The following PCDHA3 variants were observed in gnomAD, a reference collection of about 807,000 sequenced individuals.
PCDHA3 encodes protocadherin alpha 3.
PCDHA3 carries 41 observed loss-of-function variants against 62.2 expected under a neutral mutation model. The ratio of observed to expected loss-of-function variants is 0.66; its 90% confidence interval spans 0.51 to 0.86. The LOEUF is 0.86. Among genes scored for constraint, PCDHA3 ranks in the 40% least tolerant of loss-of-function variants. The pLI, the probability that PCDHA3 is intolerant of heterozygous loss-of-function variation, is 0.00. For missense variants in PCDHA3, 1,304 were observed against 1,241.2 expected (o/e 1.05, Z -0.76); for synonymous variants, 640 against 555.4 (o/e 1.15, Z -2.14).
chr5:140,803,257 CG>C lies in PCDHA3; in HGVS notation c.2063del (p.Gly688AlafsTer13). The stretch of plus-strand genomic sequence containing the variant: ...TCGTCCCAGGCGTCCGCTGGCGCCA[CG>C]GGCCCGGAAGCTGCACTGGTGGATG... Reference protein sequence around the residue: ...KASSQASAGATGPEAALVDVN... With the variant: ...KASSQASAGAXGPEAALVDVN... On this transcript the variant is annotated frameshift_variant, in exon 1 of 4. Coordinates refer to ENST00000522353, the MANE Select transcript of PCDHA3 (RefSeq NM_018906.3). LOFTEE classifies it high-confidence loss of function. The C allele has an allele frequency of 6.2e-7, 1 of 1,613,906 alleles. No homozygotes were observed. Among genetic ancestry groups the C allele is most frequent in the Non-Finnish European group, 8.5e-7 (1 of 1,179,956 alleles).
chr5:140,871,132 G>T, intron 1 of PCDHA3: 7 of 1,613,372 alleles, frequency 4.3e-6, no homozygotes, highest in Non-Finnish European at 5.9e-6. Context: ...GGCGCCAAAG[G>T]CCTCTTCCCG....
intron 1 of PCDHA3, chr5:140,822,576 T>C (rs1047981826): frequency 1.2e-6 from 2 of 1,612,800 alleles, no homozygotes; most frequent in Non-Finnish European, 1.7e-6. Flanking sequence ...ACGCCTCAGA[T>C]GCAGATGAGG....
chr5:140,988,871 A>T (rs1319139244), intron 3 of PCDHA3: 1 of 152,208 alleles, frequency 6.6e-6, no homozygotes, highest in Non-Finnish European at 1.5e-5. Context: ...GTGCACTCAG[A>T]TGTACGATCC....
At chr5:140,926,564 A>T in intron 1 of PCDHA3, 1 of 243,746 alleles carries the variant, frequency 4.1e-6, no homozygotes, top group Non-Finnish European at 7.8e-6. Flanking sequence ...GCCCGCTGCT[A>T]CTGGAGACAG....
intron 1 of PCDHA3, chr5:140,926,922 T>A: frequency 6.4e-7 from 1 of 1,570,576 alleles, no homozygotes; most frequent in Non-Finnish European, 8.7e-7. Flanking sequence ...CAGTTTTATG[T>A]TTGTGGGTTT....
intron 3 of PCDHA3, among the ~76,000 whole-genome samples, chr5:140,999,702 T>A (rs78322991): frequency 6.6e-6 from 1 of 152,136 alleles, no homozygotes; most frequent in South Asian, 2.1e-4. Context: ...GATTTTTTTT[T>A]AGCTAACTAC....
chr5:140,967,837 C>T (rs2096189054), intron 1 of PCDHA3: 4 of 1,613,994 alleles, frequency 2.5e-6, no homozygotes, highest in African/African-American at 2.7e-5. Context: ...ACATCGTGGA[C>T]GTGAATGACA....
chr5:140,873,275 T>C (rs1335407966), intron 1 of PCDHA3, among the ~76,000 whole-genome samples: 1 of 152,220 alleles, frequency 6.6e-6, no homozygotes, highest in Non-Finnish European at 1.5e-5. Context: ...TAAACCATCA[T>C]ACCACTTATG....
At chr5:140,917,305 C>A (rs1554197951) in intron 1 of PCDHA3, among the ~76,000 whole-genome samples, 1 of 137,092 alleles carries the variant, frequency 7.3e-6, no homozygotes, top group Non-Finnish European at 1.5e-5. Flanking sequence ...ATAGTTGTTA[C>A]AATTTGGTGT....
chr5:140,867,133 A>T (rs1554160961), intron 1 of PCDHA3: 1 of 152,166 alleles, frequency 6.6e-6, no homozygotes, highest in African/African-American at 2.4e-5. Flanking sequence ...CAAATATGTG[A>T]TATTATCATT....
intron 1 of PCDHA3, chr5:140,841,301 G>A (rs2150312964): frequency 2.0e-6 from 3 of 1,536,446 alleles, no homozygotes; most frequent in Admixed American, 3.9e-5. Flanking sequence ...AATATTTTCT[G>A]ATAGGAAACG....
At chr5:140,842,696 G>C in intron 1 of PCDHA3, 1 of 1,595,300 alleles carries the variant, frequency 6.3e-7, no homozygotes, top group Non-Finnish European at 8.6e-7. Context: ...CGCGCAGCCC[G>C]AGTACACGGT....
intron 1 of PCDHA3, among the ~76,000 whole-genome samples, chr5:140,946,631 T>TATATATATACAC (rs57893927): frequency 0.012 from 1,602 of 131,782 alleles, 27 homozygotes; most frequent in South Asian, 0.028. Flanking sequence ...TATATATATA[T>TATATATATACAC]ACAATGGAAT....
intron 1 of PCDHA3, among the ~76,000 whole-genome samples, chr5:140,939,692 A>T (rs2092437980): frequency 6.6e-6 from 1 of 152,222 alleles, no homozygotes; most frequent in African/African-American, 2.4e-5. Context: ...GTGTTGCTGG[A>T]CATTATCATT....
intron 1 of PCDHA3, chr5:140,816,269 C>T: frequency 6.6e-6 from 1 of 152,132 alleles, no homozygotes; most frequent in East Asian, 1.9e-4. Context: ...ACTCATTCTT[C>T]TACTTGATTA....
intron 1 of PCDHA3, among the ~76,000 whole-genome samples, chr5:140,941,198 T>TCTTCCTTTCTTC (rs1563184149): frequency 4.2e-5 from 5 of 119,808 alleles, no homozygotes; most frequent in African/African-American, 1.0e-4. Context: ...TTTTTTTCTT[T>TCTTCCTTTCTTC]CTTCCTTTCT....
intron 1 of PCDHA3, among the ~76,000 whole-genome samples, chr5:140,887,378 G>C (rs1407679123): frequency 6.6e-6 from 1 of 152,176 alleles, no homozygotes; most frequent in East Asian, 1.9e-4. Flanking sequence ...TTACAGGTGT[G>C]AGCCACCGCG....
rs534304787 is a variant in PCDHA3, at chr5:140,885,393, TA to T, written c.2394+81804del. Among the ~76,000 whole-genome samples the T allele has an allele frequency of 3.1e-3, 468 of 152,312 alleles. 3 individuals carry two copies. Among genetic ancestry groups the T allele is most frequent in the Middle Eastern group, 0.014 (4 of 294 alleles). The stretch of plus-strand genomic sequence containing the variant: ...TACCTTTTGGCAGTCCCTGCAAATC[TA>T]ATGGTTTTAATAGCTGTGTAGTATT... On this transcript the variant is annotated intron_variant, in intron 1 of 3. Transcript: ENST00000522353.
At chr5:140,946,237 A>C (rs540442862) in intron 1 of PCDHA3, among the ~76,000 whole-genome samples, 8 of 152,268 alleles carry the variant, frequency 5.3e-5, no homozygotes, top group African/African-American at 1.9e-4. Context: ...AAAAATGCTC[A>C]ACATCATGAA....
Sources: gnomAD v4.1 joint callset for allele counts (sites outside exome capture counted in the v4.1 genomes callset) on GRCh38, gnomAD v4.1.1 for gene constraint, MANE v1.5 for transcripts, NCBI Gene and HGNC (gene_info 2026-07-23, HGNC 2026-07-21) for gene names.